The following WDFY4 variants were observed in gnomAD, a reference collection of about 807,000 sequenced individuals.
WDFY4 encodes WD repeat- and FYVE domain-containing protein 4.
Under a neutral mutation model 351.9 loss-of-function variants are expected in WDFY4, and 169 were observed. The ratio of observed to expected loss-of-function variants is 0.48; its 90% CI spans 0.42 to 0.55. WDFY4 has a LOEUF of 0.55. WDFY4 is among the 20% of genes least tolerant of loss of function. The pLI is 0.00. For missense variants in WDFY4, 3,803 were observed against 3,935.6 expected (o/e 0.97, Z 0.90); for synonymous variants, 1,622 against 1,574.6 (o/e 1.03, Z -0.71).
chr10:48,696,494 G>C (rs751750341), intron 1 of WDFY4, among the ~76,000 whole-genome samples: 1 of 152,238 alleles, frequency 6.6e-6, no homozygotes, highest in Non-Finnish European at 1.5e-5. Context: ...ATGCAGCACT[G>C]TCTGGCCATG....
At chr10:48,716,747 C>T (rs1179925685) in intron 2 of WDFY4, among the ~76,000 whole-genome samples, 4 of 152,126 alleles carry the variant, frequency 2.6e-5, no homozygotes, top group East Asian at 1.9e-4. Context: ...GCTCCAGAGA[C>T]GATATAGATG....
At chr10:48,864,963 G>A (rs192712433) in intron 39 of WDFY4, among the ~76,000 whole-genome samples, 9 of 152,286 alleles carry the variant, frequency 5.9e-5, no homozygotes, top group South Asian at 4.1e-4. Context: ...CAGTTATTTT[G>A]TGGAATATTT....
chr10:48,835,726 T>C (rs920234808), intron 39 of WDFY4, among the ~76,000 whole-genome samples: 2 of 152,250 alleles, frequency 1.3e-5, no homozygotes, highest in African/African-American at 4.8e-5. Context: ...AATGCATACA[T>C]ACATACCCTC....
At chr10:48,870,591 C>T (rs2069730597) in intron 40 of WDFY4, among the ~76,000 whole-genome samples, 1 of 151,630 alleles carries the variant, frequency 6.6e-6, no homozygotes, top group Admixed American at 6.6e-5. Flanking sequence ...TTGTAGTTGT[C>T]CCCCAACATA....
At chr10:48,861,990 G>A (rs1474646701) in intron 39 of WDFY4, among the ~76,000 whole-genome samples, 1 of 152,022 alleles carries the variant, frequency 6.6e-6, no homozygotes, top group Non-Finnish European at 1.5e-5. Flanking sequence ...TTTACACTGG[G>A]TTCTTCTTTA....
At chr10:48,913,643 C>A in intron 47 of WDFY4, 6 of 1,613,884 alleles carry the variant, frequency 3.7e-6, no homozygotes, top group Admixed American at 1.7e-5. Context: ...TTATGTTGAG[C>A]TTTTTCAGCT....
chr10:48,856,025 G>T (rs2069121594), intron 39 of WDFY4, among the ~76,000 whole-genome samples: 1 of 152,096 alleles, frequency 6.6e-6, no homozygotes, highest in South Asian at 2.1e-4. Flanking sequence ...TCCCCTGAAG[G>T]TAAGGAGAGA....
At chr10:48,946,806 C>A in intron 50 of WDFY4, 54 bp from the exon 51 acceptor site, 1 of 1,304,674 alleles carries the variant, frequency 7.7e-7, no homozygotes, top group Admixed American at 2.0e-5. Context: ...CACATATCTG[C>A]CACGTGTGAG....
chr10:48,929,097 T>C (rs1839826500), intron 47 of WDFY4, among the ~76,000 whole-genome samples: 1 of 152,166 alleles, frequency 6.6e-6, no homozygotes, highest in African/African-American at 2.4e-5. Context: ...AGGAGGGCCA[T>C]CTTTGAGAAG....
rs1426599048 is a variant in WDFY4, at chr10:48,832,679, G to T, written c.6633G>T (p.Arg2211=). ...CAGCCATGAAGCTGATGCCCGGGCG[G>T]CAGGCCAAGGACCCTGAGTGCAAGA... ...LSSAMKLMPG[R]QAKDPECKTE... is the part of the protein sequence containing the mutation. The change falls in exon 39 of 62, where the codon CGG becomes CGT. Residue 2211 remains arginine (R), a synonymous_variant. Transcript: ENST00000325239. 3 of 1,549,694 alleles carry T rather than the reference G, an allele frequency of 1.9e-6. No individual in the cohort carries two copies. The highest frequency in any genetic ancestry group is 1.4e-5 in the African/African-American group (1 of 73,142).
At chr10:48,926,466 G>A (rs562044197) in intron 47 of WDFY4, among the ~76,000 whole-genome samples, 46 of 152,262 alleles carry the variant, frequency 3.0e-4, no homozygotes, top group African/African-American at 1.1e-3. Flanking sequence ...GCCAGCCAAC[G>A]CAACAGATTG....
chr10:48,798,267 G>T (rs112876833), intron 24 of WDFY4, among the ~76,000 whole-genome samples: 1 of 151,798 alleles, frequency 6.6e-6, no homozygotes, highest in East Asian at 1.9e-4. Context: ...AAATCAAAAC[G>T]CAGAGAAAGA....
Position 48,830,689 on chromosome 10 carries a change from C to T in WDFY4, c.6341-11C>T, listed in dbSNP as rs937434289. The T allele has an allele frequency of 1.3e-6, 2 of 1,549,730 alleles. No homozygotes were observed. The highest frequency in any genetic ancestry group is 1.7e-6 in the Non-Finnish European group (2 of 1,146,094). The stretch of plus-strand genomic sequence containing the variant: ...GGCCATCCTGAGTGTGCCATGTGCT[C>T]TCTCTGCTAGTCCAACACAACATCC... On this transcript the variant is annotated splice_polypyrimidine_tract_variant and intron_variant, in intron 37 of 61. Coordinates refer to ENST00000325239, the MANE Select transcript of WDFY4 (RefSeq NM_001394531.1).
chr10:48,736,618 A>G (rs2064676410), intron 11 of WDFY4, among the ~76,000 whole-genome samples: 1 of 152,208 alleles, frequency 6.6e-6, no homozygotes, highest in African/African-American at 2.4e-5. Context: ...ACCAGGGCTG[A>G]TGAAGAGTAC....
chr10:48,890,055 C>T (rs1384030360), intron 43 of WDFY4, among the ~76,000 whole-genome samples: 2 of 152,218 alleles, frequency 1.3e-5, no homozygotes, highest in African/African-American at 4.8e-5. Context: ...AGGATCTGGG[C>T]AGAGCACCGT....
chr10:48,898,277 T>C (rs1420864523), intron 45 of WDFY4, among the ~76,000 whole-genome samples: 1 of 152,018 alleles, frequency 6.6e-6, no homozygotes, highest in Admixed American at 6.6e-5. Flanking sequence ...GGGAGTAGGG[T>C]AAACTTCAGG....
At chr10:48,768,541 C>T (rs1475796393) in intron 13 of WDFY4, among the ~76,000 whole-genome samples, 3 of 152,232 alleles carry the variant, frequency 2.0e-5, no homozygotes, top group African/African-American at 4.8e-5. Flanking sequence ...ATTGGCACAT[C>T]ACTCTTTCTG....
intron 47 of WDFY4, chr10:48,910,329 G>T: frequency 7.3e-7 from 1 of 1,362,230 alleles, no homozygotes; most frequent in Non-Finnish European, 1.1e-6. Flanking sequence ...AAGGGCAGAG[G>T]TCACACCAGC....
At chr10:48,725,848 G>T in intron 5 of WDFY4, 33 bp from the exon 6 acceptor site, 1 of 1,520,978 alleles carries the variant, frequency 6.6e-7, no homozygotes, top group Non-Finnish European at 8.9e-7. Flanking sequence ...TCCTAACCAG[G>T]TCTCCTTGAC....
Sources: gnomAD v4.1 joint callset for allele counts (sites outside exome capture counted in the v4.1 genomes callset) on GRCh38, gnomAD v4.1.1 for gene constraint, MANE v1.5 for transcripts, NCBI Gene and HGNC (gene_info 2026-07-23, HGNC 2026-07-21) for gene names.